Variants in GATA4 observed in about 807,000 individuals in gnomAD.
GATA4 encodes the protein transcription factor GATA-4.
In GATA4, 7 loss-of-function variants were observed where a neutral mutation model predicts 37.9. That is an observed-to-expected ratio of 0.18 (90% CI 0.11 to 0.35). The LOEUF (loss-of-function observed/expected upper bound fraction) is 0.35. Among genes scored for constraint, GATA4 ranks in the 10% least tolerant of loss-of-function variants. GATA4 has a pLI of 1.00. For synonymous variants in GATA4, 372 were observed against 292.6 expected, an observed-to-expected ratio of 1.27 and a Z score of -2.77; for missense variants, 647 against 653.0, an observed-to-expected ratio of 0.99 and a Z score of 0.10.
chr8:11,711,328 G>T (rs942796545), intron 2 of GATA4, among the ~76,000 whole-genome samples: 6 of 152,150 alleles, frequency 3.9e-5, no homozygotes, highest in Admixed American at 3.3e-4. Flanking sequence ...CTTTGAATCT[G>T]GCCTAGAGGG....
chr8:11,686,271 A>G (rs10109971), intron 1 of GATA4, among the ~76,000 whole-genome samples: 3,326 of 151,958 alleles, frequency 0.022, 130 homozygotes, highest in African/African-American at 0.076. Flanking sequence ...AGATAAAAGT[A>G]ACATCGAGAT....
chr8:11,719,742 G>T (rs1034511835), intron 2 of GATA4, among the ~76,000 whole-genome samples: 1 of 152,148 alleles, frequency 6.6e-6, no homozygotes, highest in Non-Finnish European at 1.5e-5. Flanking sequence ...GGCAATTTCT[G>T]TAAAATTAGT....
chr8:11,756,574 T>TG, intron 5 of GATA4: 1 of 361,782 alleles, frequency 2.8e-6, no homozygotes, highest in South Asian at 2.4e-5. Context: ...TGTTTTGCTG[T>TG]GGGGATATTA....
chr8:11,704,924 C>T (rs1799825592), intron 1 of GATA4, among the ~76,000 whole-genome samples: 1 of 152,250 alleles, frequency 6.6e-6, no homozygotes, highest in Non-Finnish European at 1.5e-5. Context: ...ACCACCCCAC[C>T]TGCCCGCGCT....
intron 4 of GATA4, among the ~76,000 whole-genome samples, chr8:11,754,758 C>T (rs1802468506): frequency 6.6e-6 from 1 of 152,184 alleles, no homozygotes; most frequent in Non-Finnish European, 1.5e-5. Flanking sequence ...CTGGTTATTT[C>T]TCCTTGTCTG....
chr8:11,732,719 G>A (rs890729080), intron 2 of GATA4, among the ~76,000 whole-genome samples: 1 of 152,184 alleles, frequency 6.6e-6, no homozygotes, highest in Non-Finnish European at 1.5e-5. Flanking sequence ...TTCCTGCGAA[G>A]GCTAGCAGAG....
intron 4 of GATA4, among the ~76,000 whole-genome samples, chr8:11,751,908 G>A (rs1313316608): frequency 2.0e-5 from 3 of 152,156 alleles, no homozygotes; most frequent in Non-Finnish European, 4.4e-5. Flanking sequence ...TTGAAACCAT[G>A]AACACCATTA....
chr8:11,680,407 G>C, intron 1 of GATA4: 1 of 896,500 alleles, frequency 1.1e-6, no homozygotes, highest in Non-Finnish European at 1.3e-6. Flanking sequence ...TCCCGCCCTC[G>C]GCCCACGAGG....
At position 11,725,861 on chromosome 8, in the gene GATA4, G is replaced by A. The variant is rs141365610; in HGVS notation, c.616+16933G>A. Among the ~76,000 whole-genome samples, 858 of 152,282 alleles carry A rather than the reference G, an allele frequency of 5.6e-3. 10 individuals are homozygous for A. Among genetic ancestry groups the A allele is most frequent in the East Asian group, 0.051 (265 of 5,172 alleles). On this transcript the variant is annotated intron_variant, in intron 2 of 6. Transcript: ENST00000532059. ...AGTGGCGGGAAAGGGGCCTGGGCCC[G>A]GGGGGTGGGGTGGCTTCTGGCCTCT...
chr8:11,703,725 C>T (rs755812315), upstream of GATA4, among the ~76,000 whole-genome samples: 19 of 152,194 alleles, frequency 1.2e-4, no homozygotes, highest in Non-Finnish European at 2.5e-4. Context: ...CCAAGGAATC[C>T]GGGGCTGGGA....
intron 1 of GATA4, chr8:11,692,813 C>T (rs910776219): frequency 1.0e-6 from 1 of 981,612 alleles, no homozygotes; most frequent in African/African-American, 1.8e-5. Context: ...GCGCAGCGGG[C>T]GCCAGGCCGG....
At chr8:11,712,308 T>TGTGAAAATGGGTGCATTACACAAC (rs1800222184) in intron 2 of GATA4, among the ~76,000 whole-genome samples, 1 of 152,100 alleles carries the variant, frequency 6.6e-6, no homozygotes, top group Non-Finnish European at 1.5e-5. Flanking sequence ...GGACACTCAA[T>TGTGAAAATGGGTGCATTACACAAC]GTGAAAATGG....
At chr8:11,756,090 C>T (rs1802554011) in intron 5 of GATA4, among the ~76,000 whole-genome samples, 1 of 152,026 alleles carries the variant, frequency 6.6e-6, no homozygotes, top group African/African-American at 2.4e-5. Context: ...CCAAAACATT[C>T]CTCACTCAGT....
chr8:11,698,629 C>T (rs1395739828), intron 1 of GATA4, among the ~76,000 whole-genome samples: 1 of 152,264 alleles, frequency 6.6e-6, no homozygotes, highest in South Asian at 2.1e-4. Flanking sequence ...GGTTGGGCTC[C>T]CTATGCCTCA....
rs181192083 is a variant in GATA4 at position 11,708,235 on chromosome 8, C to G, written c.-78C>G. Reference sequence around the variant, plus strand: ...CTCCCACGCATATTATCGTTGTTGCCGTCGTTTTCTCTCCCCGCGTGGCTC... The same window carrying G: ...CTCCCACGCATATTATCGTTGTTGCGGTCGTTTTCTCTCCCCGCGTGGCTC... On this transcript the variant is annotated 5_prime_UTR_variant, in exon 2 of 7. Coordinates refer to ENST00000532059, the MANE Select transcript of GATA4 (RefSeq NM_001308093.3). This position sits in a 1 kb window ranked among gnomAD's most constrained non-coding sequence, Gnocchi z 6.7. 3.4e-6 allele frequency: 5 copies of G among 1,481,526 alleles called. No homozygotes were observed. In the East Asian group the frequency reaches 1.2e-4, roughly 36 times the overall value. 91.8% of individuals were successfully genotyped at this position (1,481,526 alleles called of 1,614,324 possible). A position where few individuals can be genotyped will look rare whatever the true frequency, so the allele number is the denominator to read the frequency against.
intron 2 of GATA4, among the ~76,000 whole-genome samples, chr8:11,729,362 G>C (rs1280188123): frequency 6.6e-6 from 1 of 151,982 alleles, no homozygotes; most frequent in South Asian, 2.1e-4. Flanking sequence ...GAGGTCAGGA[G>C]TTCAAGACTA....
chr8:11,697,416 T>G (rs1799538439), intron 1 of GATA4: 1 of 335,816 alleles, frequency 3.0e-6, no homozygotes, highest in South Asian at 1.2e-4. Flanking sequence ...CTTGAGACTG[T>G]TGTTACAAGA....
intron 2 of GATA4, among the ~76,000 whole-genome samples, chr8:11,720,754 A>G (rs1388983417): frequency 1.3e-5 from 2 of 151,724 alleles, no homozygotes; most frequent in East Asian, 3.8e-4. Context: ...AGCTCCATGT[A>G]TGTTCCCTCA....
Position 11,681,101 on chromosome 8 carries a change from G to A in GATA4, c.-274+4038G>A. On this transcript the variant is annotated intron_variant, in intron 1 of 6. Transcript: ENST00000528712. Reference sequence around the variant, plus strand: ...ATTGAGGGGCATGGGTGGCGCCCCAGGCTCGCAGGGTTCGTGGTCCGGAAA... The same window carrying A: ...ATTGAGGGGCATGGGTGGCGCCCCAAGCTCGCAGGGTTCGTGGTCCGGAAA... 3 of 980,248 alleles carry A rather than the reference G, an allele frequency of 3.1e-6. No individual in the cohort carries two copies. The South Asian group carries it at 1.4e-4, about 46-fold the overall frequency. The allele number at this position is 980,248 out of a possible 1,614,324, so 60.7% of individuals were successfully genotyped here. A position where few individuals can be genotyped will look rare whatever the true frequency, so the allele number is the denominator to read the frequency against.
Sources: gnomAD v4.1 joint callset for allele counts (sites outside exome capture counted in the v4.1 genomes callset) on GRCh38, gnomAD v4.1.1 for gene constraint, Gnocchi (gnomAD v3.1) non-coding constraint, MANE v1.5 for transcripts, NCBI Gene and HGNC (gene_info 2026-07-23, HGNC 2026-07-21) for gene names.